The following ARMC2 variants were observed in gnomAD, a reference collection of about 807,000 sequenced individuals.
ARMC2 encodes armadillo repeat-containing protein 2.
ARMC2 carries 67 observed loss-of-function variants against 90.3 expected under a neutral mutation model. That is an observed-to-expected ratio of 0.74 (90% CI 0.61 to 0.91). The LOEUF (loss-of-function observed/expected upper bound fraction) is 0.91, where lower values mean the gene tolerates loss of function less well. ARMC2 is among the 40% of genes least tolerant of loss of function. ARMC2 has a pLI of 0.00. For synonymous variants in ARMC2, 393 were observed against 393.0 expected (o/e 1.00, Z 0.00); for missense variants, 920 against 1,030.9 (o/e 0.89, Z 1.47).
chr6:108,882,225 A>G (rs902795417), intron 5 of ARMC2, among the ~76,000 whole-genome samples: 19 of 152,112 alleles, frequency 1.2e-4, no homozygotes, highest in Admixed American at 2.6e-4. Flanking sequence ...TCATGAGGTC[A>G]GGAGATCAAG....
the ARMC2 span, among the ~76,000 whole-genome samples, chr6:109,044,550 G>A: frequency 6.6e-6 from 1 of 151,812 alleles, no homozygotes; most frequent in Non-Finnish European, 1.5e-5. Flanking sequence ...ACATCTAGAA[G>A]AAAACATAAG....
chr6:108,987,684 G>A, the ARMC2 span: 9 of 934,474 alleles, frequency 9.6e-6, no homozygotes, highest in Admixed American at 3.5e-5. Context: ...TTCACAATCA[G>A]TTTTTCAGTG....
At chr6:108,956,462 C>T (rs1014607321) in intron 13 of ARMC2, among the ~76,000 whole-genome samples, 2 of 150,812 alleles carry the variant, frequency 1.3e-5, no homozygotes, top group South Asian at 2.1e-4. Flanking sequence ...TTTGGGAAGC[C>T]AAGGCAGGCA....
At position 108,932,780 on chromosome 6, in the gene ARMC2, G is replaced by A. The variant is rs549481152; in HGVS notation, c.1497-4120G>A. Among the ~76,000 whole-genome samples, 193 of 151,886 alleles carry A rather than the reference G, an allele frequency of 1.3e-3. 7 individuals carry two copies. Among genetic ancestry groups the A allele is most frequent in the African/African-American group, 4.5e-3 (187 of 41,404 alleles). On this transcript the variant is annotated intron_variant, in intron 11 of 17. Coordinates refer to ENST00000392644, the MANE Select transcript of ARMC2 (RefSeq NM_032131.6). ...CCTGACCTCGTGATCTGCCCGCCTC[G>A]GCCTCCCAAAGTGCTGGGATTACAG...
intron 12 of ARMC2, among the ~76,000 whole-genome samples, chr6:108,946,837 T>TC (rs1175792584): frequency 6.6e-6 from 1 of 152,182 alleles, no homozygotes; most frequent in Non-Finnish European, 1.5e-5. Flanking sequence ...TATTGTTTCT[T>TC]CCCCACAGTC....
In ARMC2 at chr6:108,899,599, A is replaced by G; in HGVS notation, c.749-95A>G. 3.6e-5 allele frequency: 31 copies of G among 859,996 alleles called. 1 individual carries two copies. The highest frequency in any genetic ancestry group is 2.9e-4 in the South Asian group (19 of 65,328). 53.3% of individuals were successfully genotyped at this position (859,996 alleles called of 1,614,324 possible). A position where few individuals can be genotyped will look rare whatever the true frequency, so the allele number is the denominator to read the frequency against. On this transcript the variant is annotated intron_variant, in intron 6 of 17. Transcript: ENST00000392644. ...AAAGGGTAATTTAATTCTCTAGTTTATTAATTGTAGTGATGAATAGTAAAG... is the reference window on the plus strand; with the variant it reads ...AAAGGGTAATTTAATTCTCTAGTTTGTTAATTGTAGTGATGAATAGTAAAG...
At chr6:109,002,691 A>G in the ARMC2 span, among the ~76,000 whole-genome samples, 2 of 152,342 alleles carry the variant, frequency 1.3e-5, no homozygotes, top group African/African-American at 4.8e-5. Context: ...CTAAAACTCA[A>G]CCAACCCAAA....
intron 11 of ARMC2, among the ~76,000 whole-genome samples, chr6:108,934,002 C>G (rs906742131): frequency 1.2e-4 from 19 of 152,304 alleles, no homozygotes; most frequent in Middle Eastern, 3.4e-3. Context: ...GCTGGGATTA[C>G]AGGCATGTGC....
chr6:108,872,067 C>T (rs1334624949), intron 4 of ARMC2, among the ~76,000 whole-genome samples: 2 of 152,198 alleles, frequency 1.3e-5, no homozygotes, highest in African/African-American at 2.4e-5. Flanking sequence ...TTCAGATCTT[C>T]TCTATTGTTT....
chr6:108,904,161 C>CT, intron 7 of ARMC2, 69 bp from the exon 8 acceptor site: 1 of 1,526,158 alleles, frequency 6.6e-7, no homozygotes, highest in Admixed American at 2.0e-5. Context: ...CTTACACTGT[C>CT]TGTGTTTGAC....
the ARMC2 span, chr6:109,009,578 A>C: frequency 8.2e-6 from 9 of 1,091,622 alleles, no homozygotes; most frequent in African/African-American, 1.3e-4. Context: ...CGGCGCCGAC[A>C]AACAAGCCGC....
Position 108,937,039 on chromosome 6 carries a change from C to T in ARMC2, c.1596+40C>T, listed in dbSNP as rs1280052846. ...CATTTAATTCTTCAATGAGTCTTTACACTAATGTGTTTGTGTAAGCCCATG... is the reference window on the plus strand; with the variant it reads ...CATTTAATTCTTCAATGAGTCTTTATACTAATGTGTTTGTGTAAGCCCATG... On this transcript the variant is annotated intron_variant, in intron 12 of 17. Coordinates refer to ENST00000392644, the MANE Select transcript of ARMC2 (RefSeq NM_032131.6). The T allele has an allele frequency of 2.7e-6, 4 of 1,466,466 alleles. No individual in the cohort carries two copies. The South Asian group carries it at 4.8e-5, about 18-fold the overall frequency. 90.8% of individuals were successfully genotyped at this position (1,466,466 alleles called of 1,614,324 possible).
intron 11 of ARMC2, among the ~76,000 whole-genome samples, chr6:108,929,362 G>T (rs1365062455): frequency 6.6e-6 from 1 of 152,174 alleles, no homozygotes; most frequent in African/African-American, 2.4e-5. Context: ...CAGACAGAAA[G>T]TTCCATATAA....
At chr6:108,901,357 C>T (rs1216281130) in intron 7 of ARMC2, among the ~76,000 whole-genome samples, 2 of 150,900 alleles carry the variant, frequency 1.3e-5, no homozygotes, top group African/African-American at 4.9e-5. Context: ...CCTTATGATC[C>T]ACCTGCCTTG....
the ARMC2 span, among the ~76,000 whole-genome samples, chr6:108,995,838 A>G: frequency 6.6e-6 from 1 of 152,138 alleles, no homozygotes; most frequent in Non-Finnish European, 1.5e-5. Flanking sequence ...TACAAAATTA[A>G]TGTTTCCCCC....
chr6:109,045,650 C>A, the ARMC2 span, among the ~76,000 whole-genome samples: 3 of 152,198 alleles, frequency 2.0e-5, no homozygotes, highest in African/African-American at 7.2e-5. Flanking sequence ...CCAGCTGAGG[C>A]ATTACTCTTC....
intron 12 of ARMC2, among the ~76,000 whole-genome samples, chr6:108,951,584 CT>C (rs952809477): frequency 2.0e-5 from 3 of 152,150 alleles, no homozygotes; most frequent in Non-Finnish European, 2.9e-5. Context: ...TCAGGGAAAA[CT>C]TTTGGATTTT....
At chr6:108,910,369 T>C (rs1773287849) in intron 8 of ARMC2, among the ~76,000 whole-genome samples, 1 of 151,548 alleles carries the variant, frequency 6.6e-6, no homozygotes, top group Admixed American at 6.6e-5. Flanking sequence ...GGCAAGAGAG[T>C]TGATTGAGCG....
the ARMC2 span, chr6:108,994,322 T>C: frequency 1.7e-6 from 1 of 577,036 alleles, no homozygotes; most frequent in Non-Finnish European, 2.7e-6. Flanking sequence ...TAAAAATTAT[T>C]TGTAAATAGG....
Sources: allele counts gnomAD v4.1 joint callset (sites outside exome capture counted in the v4.1 genomes callset), GRCh38; gene constraint gnomAD v4.1.1; transcripts MANE v1.5; gene names NCBI Gene and HGNC (gene_info 2026-07-23, HGNC 2026-07-21).